Variants in ERC2 observed in about 807,000 individuals in gnomAD.
ERC2 encodes the protein ELKS/RAB6-interacting/CAST family member 2.
ERC2 carries 42 observed loss-of-function variants against 114.8 expected under a neutral mutation model. That is an observed-to-expected ratio of 0.37 (90% CI 0.29 to 0.47). ERC2 has a LOEUF of 0.47. Among genes scored for constraint, ERC2 ranks in the 20% least tolerant of loss-of-function variants. The pLI is 0.99. For missense variants in ERC2, 939 were observed against 1,150.7 expected (o/e 0.82, Z 2.66); for synonymous variants, 454 against 425.5 (o/e 1.07, Z -0.82).
chr3:55,944,926 C>G (rs1187338763), intron 13 of ERC2, among the ~76,000 whole-genome samples: 2 of 152,184 alleles, frequency 1.3e-5, no homozygotes, highest in Non-Finnish European at 2.9e-5. Context: ...TTCTCTTCGT[C>G]TGAAACCATG....
chr3:56,292,493 G>A (rs2055156011), intron 3 of ERC2, among the ~76,000 whole-genome samples: 1 of 152,036 alleles, frequency 6.6e-6, no homozygotes, highest in African/African-American at 2.4e-5. Context: ...AGGAGGCTGA[G>A]GTGGGAGGAT....
At chr3:55,663,882 C>T (rs1289333994) in intron 17 of ERC2, among the ~76,000 whole-genome samples, 1 of 152,206 alleles carries the variant, frequency 6.6e-6, no homozygotes, top group African/African-American at 2.4e-5. Flanking sequence ...TACACACACT[C>T]TTTGCTGCTA....
At chr3:56,409,586 T>C (rs562144809) in intron 2 of ERC2, among the ~76,000 whole-genome samples, 2 of 150,648 alleles carry the variant, frequency 1.3e-5, no homozygotes, top group South Asian at 4.2e-4. Context: ...TCAGATTCTC[T>C]CAGGAATTTT....
At chr3:56,276,101 T>C (rs2053972195) in intron 3 of ERC2, among the ~76,000 whole-genome samples, 1 of 152,204 alleles carries the variant, frequency 6.6e-6, no homozygotes, top group South Asian at 2.1e-4. Context: ...GTTGATGCCA[T>C]GTAACTGATA....
chr3:55,777,076 T>TA (rs113261536), intron 14 of ERC2, among the ~76,000 whole-genome samples: 3,353 of 149,494 alleles, frequency 0.022, 107 homozygotes, highest in African/African-American at 0.076. Context: ...TAAAAATACA[T>TA]AAAAAAAAAA....
rs372922403 is a variant in ERC2 at position 55,622,787 on chromosome 3, G to A, written c.*39+61007C>T. On this transcript the variant is annotated intron_variant, in intron 17 of 17. Coordinates refer to ENST00000288221, the MANE Select transcript of ERC2 (RefSeq NM_015576.3). ...CCAAACAGAAGAGGGTCATATTACT[G>A]GAAGAGTGAGTGCTTGAGTTCCTCC... Among the ~76,000 whole-genome samples the A allele has an allele frequency of 9.2e-5, 14 of 152,034 alleles. 1 individual carries two copies. The East Asian group carries it at 1.6e-3, about 17-fold the overall frequency.
chr3:56,376,092 TTG>T (rs1560701316), intron 2 of ERC2, among the ~76,000 whole-genome samples: 12 of 152,230 alleles, frequency 7.9e-5, no homozygotes, highest in African/African-American at 2.4e-4. Flanking sequence ...AGGTGGCACA[TTG>T]ATTGCAACTT....
intron 14 of ERC2, among the ~76,000 whole-genome samples, chr3:55,853,412 C>T (rs1222276758): frequency 6.6e-6 from 1 of 151,962 alleles, no homozygotes; most frequent in Non-Finnish European, 1.5e-5. Flanking sequence ...ACAATCCCAG[C>T]TACTTGGGAG....
intron 17 of ERC2, among the ~76,000 whole-genome samples, chr3:55,526,695 A>T (rs1205470405): frequency 1.3e-5 from 2 of 152,238 alleles, no homozygotes; most frequent in African/African-American, 4.8e-5. Flanking sequence ...CAGGAGGGAC[A>T]AAAGTCCCAA....
At chr3:56,380,561 A>G (rs1239376976) in intron 2 of ERC2, among the ~76,000 whole-genome samples, 2 of 152,178 alleles carry the variant, frequency 1.3e-5, no homozygotes, top group African/African-American at 2.4e-5. Context: ...CTTTCAGGAA[A>G]TAGGCATGGT....
intron 1 of ERC2, among the ~76,000 whole-genome samples, chr3:56,460,936 C>T (rs375340797): frequency 1.7e-4 from 21 of 123,726 alleles, no homozygotes; most frequent in South Asian, 1.5e-3. Flanking sequence ...CTGGCTAACA[C>T]GGTGAAACCC....
At chr3:55,756,953 A>T (rs1161551054) in intron 14 of ERC2, among the ~76,000 whole-genome samples, 1 of 152,202 alleles carries the variant, frequency 6.6e-6, no homozygotes, top group Non-Finnish European at 1.5e-5. Context: ...AATCCACGTT[A>T]AAATATGCTT....
chr3:55,775,245 G>A (rs1014552175), intron 14 of ERC2, among the ~76,000 whole-genome samples: 3 of 152,106 alleles, frequency 2.0e-5, no homozygotes, highest in African/African-American at 7.2e-5. Context: ...GAAAGAGAGA[G>A]TGGGGGTCGG....
intron 13 of ERC2, among the ~76,000 whole-genome samples, chr3:55,890,710 G>A (rs1250477164): frequency 6.6e-6 from 1 of 152,204 alleles, no homozygotes. Context: ...AGAAGCCACT[G>A]GCCTCCAACA....
At chr3:55,827,863 A>T (rs566968972) in intron 14 of ERC2, among the ~76,000 whole-genome samples, 1 of 152,338 alleles carries the variant, frequency 6.6e-6, no homozygotes, top group East Asian at 1.9e-4. Flanking sequence ...CATGATAAAT[A>T]CAAAGCCCCT....
chr3:56,300,280 C>CAAAAAAAAAAAAAGAAAAAAA (rs2055778092), intron 2 of ERC2, among the ~76,000 whole-genome samples: 1 of 93,218 alleles, frequency 1.1e-5, no homozygotes, highest in African/African-American at 4.7e-5. Flanking sequence ...TCATGAAATA[C>CAAAAAAAAAAAAAGAAAAAAA]AAAAAAAAAA....
At chr3:55,894,289 A>C (rs2063743017) in intron 13 of ERC2, among the ~76,000 whole-genome samples, 1 of 152,228 alleles carries the variant, frequency 6.6e-6, no homozygotes, top group South Asian at 2.1e-4. Flanking sequence ...AGGTTTCTCA[A>C]CTTAAACTTG....
chr3:56,148,515 G>A (rs2081260882), intron 5 of ERC2, among the ~76,000 whole-genome samples: 2 of 152,092 alleles, frequency 1.3e-5, no homozygotes, highest in East Asian at 1.9e-4. Flanking sequence ...TCGAACTCCT[G>A]ACCTCAGCTG....
intron 16 of ERC2, among the ~76,000 whole-genome samples, chr3:55,684,162 TA>T (rs923427192): frequency 2.6e-5 from 4 of 152,206 alleles, no homozygotes; most frequent in Non-Finnish European, 4.4e-5. Flanking sequence ...AGCAGATGAT[TA>T]TTTTTTTGGA....
Sources: gnomAD v4.1 joint callset for allele counts (sites outside exome capture counted in the v4.1 genomes callset) on GRCh38, gnomAD v4.1.1 for gene constraint, MANE v1.5 for transcripts, NCBI Gene and HGNC (gene_info 2026-07-23, HGNC 2026-07-21) for gene names.